Variants in EXOSC7 observed in about 807,000 individuals in gnomAD.
EXOSC7 encodes exosome component 7.
In EXOSC7, 25 loss-of-function variants were observed where a neutral mutation model predicts 34.3. The ratio of observed to expected loss-of-function variants is 0.73; its 90% confidence interval spans 0.53 to 1.02. The LOEUF is 1.02. EXOSC7 is among the 50% of genes least tolerant of loss of function. The pLI, the probability that EXOSC7 is intolerant of heterozygous loss-of-function variation, is 0.00. For missense variants in EXOSC7, 370 were observed against 368.5 expected, an observed-to-expected ratio of 1.00 and a Z score of -0.03; for synonymous variants, 130 against 143.0, an observed-to-expected ratio of 0.91 and a Z score of 0.65.
chr3:44,992,876 G>A (rs1457798379), intron 3 of EXOSC7, among the ~76,000 whole-genome samples: 1 of 152,198 alleles, frequency 6.6e-6, no homozygotes, highest in Non-Finnish European at 1.5e-5. Flanking sequence ...AACTAGGGGA[G>A]TTTAGGAGAA....
At chr3:44,989,061 TA>T (rs757732214) in intron 1 of EXOSC7, 78 bp from the exon 2 acceptor site, 44 of 933,630 alleles carry the variant, frequency 4.7e-5, no homozygotes, top group Admixed American at 3.6e-4. Flanking sequence ...ATATCTTCTC[TA>T]GGGGGAAAAT....
intron 2 of EXOSC7, 75 bp downstream of exon 2, chr3:44,989,316 C>A (rs1706505945): frequency 3.4e-6 from 4 of 1,189,574 alleles, no homozygotes; most frequent in Non-Finnish European, 4.9e-6. Context: ...CTGACGCTGT[C>A]TGGCTTTTGG....
intron 4 of EXOSC7, among the ~76,000 whole-genome samples, chr3:44,998,567 T>C (rs1211920910): frequency 2.0e-5 from 3 of 152,158 alleles, no homozygotes; most frequent in Non-Finnish European, 2.9e-5. Flanking sequence ...GATGGTGAAC[T>C]TCATGAAAAG....
chr3:44,979,952 G>T (rs1209108519), intron 1 of EXOSC7, among the ~76,000 whole-genome samples: 1 of 152,086 alleles, frequency 6.6e-6, no homozygotes. Context: ...TATGGGGGGG[G>T]TTTCAGGGAA....
intron 1 of EXOSC7, among the ~76,000 whole-genome samples, chr3:44,983,234 G>A (rs1440955746): frequency 6.6e-6 from 1 of 152,124 alleles, no homozygotes; most frequent in Non-Finnish European, 1.5e-5. Flanking sequence ...TGAAACTTAG[G>A]TGCCTCCATT....
Position 44,976,266 on chromosome 3 carries a change from C to T in EXOSC7, c.-12C>T, listed in dbSNP as rs200518741. On this transcript the variant is annotated 5_prime_UTR_variant, in exon 1 of 8. Coordinates refer to ENST00000265564, the MANE Select transcript of EXOSC7 (RefSeq NM_015004.4). ...CGCAGATGACGTGCGGCTCGTGGGG[C>T]AGCTCGGCAGCATGGCGTCCGTGAC... 3 of 1,548,834 alleles carry T rather than the reference C, an allele frequency of 1.9e-6. No individual in the cohort carries two copies. Among genetic ancestry groups the T allele is most frequent in the East Asian group, 2.7e-5 (1 of 37,608 alleles).
chr3:45,012,381 T>C (rs1450076204), downstream of EXOSC7: 1 of 152,214 alleles, frequency 6.6e-6, no homozygotes, highest in African/African-American at 2.4e-5. Context: ...GTGTGGGCGT[T>C]CCTCCCAGCA....
chr3:44,983,572 C>T (rs1484045711), intron 1 of EXOSC7, among the ~76,000 whole-genome samples: 1 of 152,220 alleles, frequency 6.6e-6, no homozygotes, highest in East Asian at 1.9e-4. Flanking sequence ...ACATGGGTAA[C>T]AGCTGTGAAA....
At chr3:44,978,567 A>G (rs1706186366) in intron 1 of EXOSC7, among the ~76,000 whole-genome samples, 1 of 152,238 alleles carries the variant, frequency 6.6e-6, no homozygotes, top group Admixed American at 6.5e-5. Flanking sequence ...ACTGAATGCT[A>G]TGAAGGAAAA....
In EXOSC7 at chr3:45,005,345, G is replaced by A. The variant is rs762547163; in HGVS notation, c.546G>A (p.Leu182=). 16 of 1,614,132 alleles carry A rather than the reference G, an allele frequency of 9.9e-6. No homozygotes were observed. Among genetic ancestry groups the A allele is most frequent in the Non-Finnish European group, 1.4e-5 (16 of 1,179,994 alleles). Residue 182 remains leucine, a synonymous_variant, in exon 6 of 8, where the codon TTG becomes TTA. Coordinates refer to ENST00000265564, the MANE Select transcript of EXOSC7 (RefSeq NM_015004.4). The part of the protein sequence containing the change: ...EDEEGSKDIE[L]SDDPYDCIRL... The stretch of plus-strand genomic sequence containing the variant: ...AAGAGGGGTCGAAGGACATTGAATT[G>A]TCAGATGACCCTTATGACTGCATAC...
chr3:45,009,088 T>A (rs1707134210), intron 7 of EXOSC7, among the ~76,000 whole-genome samples: 1 of 152,144 alleles, frequency 6.6e-6, no homozygotes, highest in Admixed American at 6.5e-5. Context: ...ACTGTGTGCG[T>A]CCAGAGCCCC....
chr3:44,994,906 T>TGTGTGTGTGTGTGTGTG (rs1706679036), intron 3 of EXOSC7, among the ~76,000 whole-genome samples: 1 of 143,612 alleles, frequency 7.0e-6, no homozygotes, highest in African/African-American at 2.6e-5. Flanking sequence ...TGTGTGTGTG[T>TGTGTGTGTGTGTGTGTG]TTTAAGCCAT....
At chr3:44,986,113 C>T (rs1371921554) in intron 1 of EXOSC7, among the ~76,000 whole-genome samples, 1 of 152,062 alleles carries the variant, frequency 6.6e-6, no homozygotes, top group Non-Finnish European at 1.5e-5. Flanking sequence ...CTGCCATGCA[C>T]CCGCATTCCT....
intron 1 of EXOSC7, among the ~76,000 whole-genome samples, chr3:44,982,377 C>G (rs1409293886): frequency 1.3e-5 from 2 of 152,206 alleles, no homozygotes; most frequent in African/African-American, 4.8e-5. Flanking sequence ...GCTTTAGGCA[C>G]AATAAAGCTT....
intron 1 of EXOSC7, among the ~76,000 whole-genome samples, chr3:44,987,080 ATAGTT>A (rs1706440904): frequency 9.3e-6 from 1 of 107,862 alleles, no homozygotes; most frequent in Non-Finnish European, 1.8e-5. Flanking sequence ...CTGCATATAT[ATAGTT>A]AAGTGTTAAA....
chr3:45,006,812 G>A (rs1033834916), intron 6 of EXOSC7, among the ~76,000 whole-genome samples: 56 of 20,724 alleles, frequency 2.7e-3, no homozygotes, highest in African/African-American at 9.0e-3. Flanking sequence ...CACCCGCCCC[G>A]GCTCAACCTC....
At chr3:44,981,446 A>G in intron 1 of EXOSC7, among the ~76,000 whole-genome samples, 1 of 152,200 alleles carries the variant, frequency 6.6e-6, no homozygotes, top group Non-Finnish European at 1.5e-5. Context: ...TGTGGTTAAC[A>G]CAGAAAAAAT....
intron 6 of EXOSC7, among the ~76,000 whole-genome samples, chr3:45,006,140 C>T (rs901727789): frequency 5.3e-5 from 7 of 131,438 alleles, no homozygotes; most frequent in African/African-American, 1.4e-4. Context: ...TGCAATGGCG[C>T]GATCTCAGCT....
intron 4 of EXOSC7, among the ~76,000 whole-genome samples, chr3:44,998,838 T>G (rs769874331): frequency 2.6e-5 from 4 of 152,106 alleles, no homozygotes; most frequent in Non-Finnish European, 5.9e-5. Context: ...AGGTCCTGGG[T>G]TTGAGAAGGT....
Sources: gnomAD v4.1 joint callset for allele counts (sites outside exome capture counted in the v4.1 genomes callset) on GRCh38, gnomAD v4.1.1 for gene constraint, MANE v1.5 for transcripts, NCBI Gene and HGNC (gene_info 2026-07-23, HGNC 2026-07-21) for gene names.